Variants in SORBS2 observed in about 807,000 individuals in gnomAD.
The protein encoded by SORBS2 is sorbin and SH3 domain-containing protein 2.
SORBS2 carries 46 observed loss-of-function variants against 97.7 expected under a neutral mutation model. The observed-to-expected ratio is 0.47, with a 90% CI of 0.37 to 0.60. The LOEUF is 0.60. Ranked by LOEUF, SORBS2 falls within the 20% of genes least tolerant of loss-of-function variation. The pLI, the probability that SORBS2 is intolerant of heterozygous loss-of-function variation, is 0.00. For missense variants in SORBS2, 1,316 were observed against 1,282.3 expected (o/e 1.03, Z -0.40); for synonymous variants, 476 against 473.4 (o/e 1.01, Z -0.07).
intron 1 of SORBS2, among the ~76,000 whole-genome samples, chr4:185,949,738 G>A (rs1040859695): frequency 6.6e-6 from 1 of 152,100 alleles, no homozygotes; most frequent in Non-Finnish European, 1.5e-5. Flanking sequence ...AGATGCAGGA[G>A]TCTAAACAAA....
At position 185,797,581 on chromosome 4, in the gene SORBS2, C is replaced by T. The variant is rs181875662; in HGVS notation, c.-337-22215G>A. Among the ~76,000 whole-genome samples, 201 of 152,216 alleles carry T rather than the reference C, an allele frequency of 1.3e-3. 4 individuals carry two copies. In the South Asian group the frequency reaches 0.038, roughly 29 times the overall value. ...GCCTCTGACGTGCCAGGCGCTATGCCGGTCATTTTGCAGTAATCTCATTTA... is the reference window on the plus strand; with the variant it reads ...GCCTCTGACGTGCCAGGCGCTATGCTGGTCATTTTGCAGTAATCTCATTTA... On this transcript the variant is annotated intron_variant, in intron 1 of 20. Coordinates refer to the SORBS2 transcript ENST00000284776.
At chr4:185,612,275 C>T (rs1431075566) in intron 11 of SORBS2, among the ~76,000 whole-genome samples, 1 of 152,050 alleles carries the variant, frequency 6.6e-6, no homozygotes, top group East Asian at 1.9e-4. Context: ...AATTATTTGT[C>T]TAAGTTATTT....
At chr4:185,947,115 T>C (rs2099274905) in intron 1 of SORBS2, among the ~76,000 whole-genome samples, 1 of 152,226 alleles carries the variant, frequency 6.6e-6, no homozygotes, top group Non-Finnish European at 1.5e-5. Context: ...TTTATAGCTT[T>C]CCCCCTTTCA....
intron 1 of SORBS2, among the ~76,000 whole-genome samples, chr4:185,832,662 G>C (rs1363464000): frequency 6.6e-6 from 1 of 152,176 alleles, no homozygotes; most frequent in Non-Finnish European, 1.5e-5. Flanking sequence ...CTTAAAATTG[G>C]TCTAGGATGT....
Position 185,623,711 on chromosome 4 carries a change from C to T in SORBS2, c.1418G>A (p.Arg473Gln), listed in dbSNP as rs1436564752. The change falls in exon 7 of 15, where the codon CGA (arginine) becomes CAA (glutamine). Residue 473 changes from arginine to glutamine, a missense_variant. Physicochemically the swap from Arg to Gln is conservative, Grantham distance 43. Coordinates refer to ENST00000418609, the Ensembl canonical transcript of SORBS2. The surrounding 1 kb of genome is among the most constrained non-coding windows in gnomAD (Gnocchi z 6.4). ...CACCAGGGCGTTAGACTGGCAGCCT[C>T]GCCGGCCCCGAGCGGGGGGGCCGCT... 4 of 1,613,662 alleles carry T rather than the reference C, an allele frequency of 2.5e-6. No individual in the cohort carries two copies. Among genetic ancestry groups the T allele is most frequent in the African/African-American group, 1.3e-5 (1 of 74,890 alleles).
chr4:185,806,544 T>A (rs12643812), intron 1 of SORBS2, among the ~76,000 whole-genome samples: 25 of 139,386 alleles, frequency 1.8e-4, no homozygotes, highest in Middle Eastern at 3.5e-3. Flanking sequence ...TGCAAGCTCC[T>A]CCTCCCGGGT....
In SORBS2 at chr4:185,819,930, T is replaced by C. The variant is rs553340080; in HGVS notation, c.-337-44564A>G. On this transcript the variant is annotated intron_variant, in intron 1 of 20. Coordinates refer to the SORBS2 transcript ENST00000284776. ...TTTGTTAGCTGTGTGATATGCAAAT[T>C]GCCTAACCTCTTTGTGCTTCTGTTT... 2.0e-5 allele frequency among the ~76,000 whole-genome samples: 3 copies of C among 152,368 alleles called. No individual in the cohort carries two copies. The South Asian group carries it at 6.2e-4, about 32-fold the overall frequency.
At chr4:185,706,877 G>T (rs1174130005) in intron 2 of SORBS2, among the ~76,000 whole-genome samples, 1 of 151,844 alleles carries the variant, frequency 6.6e-6, no homozygotes, top group Non-Finnish European at 1.5e-5. Context: ...ATTTAATTTT[G>T]TCAAAATACC....
chr4:185,932,015 T>G (rs189127028), intron 1 of SORBS2, among the ~76,000 whole-genome samples: 105 of 151,260 alleles, frequency 6.9e-4, no homozygotes, highest in African/African-American at 1.3e-3. Flanking sequence ...TATATATATA[T>G]ATAGATAGAT....
At chr4:185,763,206 A>G (rs2098913678) in intron 2 of SORBS2, among the ~76,000 whole-genome samples, 1 of 152,116 alleles carries the variant, frequency 6.6e-6, no homozygotes, top group African/African-American at 2.4e-5. Flanking sequence ...AACAAAAACA[A>G]AAACAAAAAG....
chr4:185,854,718 T>C (rs2099219750), intron 1 of SORBS2, among the ~76,000 whole-genome samples: 1 of 151,960 alleles, frequency 6.6e-6, no homozygotes, highest in African/African-American at 2.4e-5. Flanking sequence ...AACTAGCAAT[T>C]CTTGTGGAGG....
intron 2 of SORBS2, chr4:185,761,680 T>A (rs2098893490): frequency 6.6e-6 from 1 of 152,246 alleles, no homozygotes; most frequent in African/African-American, 2.4e-5. Flanking sequence ...TTGTGAACAT[T>A]GTGTCCGAAA....
chr4:185,805,558 T>G (rs574447889), intron 1 of SORBS2, among the ~76,000 whole-genome samples: 8 of 152,324 alleles, frequency 5.3e-5, no homozygotes, highest in Non-Finnish European at 8.8e-5. Context: ...CTGTACCTTT[T>G]TCCATTCTCT....
At chr4:185,594,085 G>T in intron 12 of SORBS2, 150 bp from the exon 25 acceptor site, 1 of 602,098 alleles carries the variant, frequency 1.7e-6, no homozygotes, top group Non-Finnish European at 2.9e-6. Context: ...AAAGCTTTCT[G>T]CAGGATTAAT....
chr4:185,659,310 G>A (rs1405537222), upstream of SORBS2, among the ~76,000 whole-genome samples: 3 of 152,132 alleles, frequency 2.0e-5, no homozygotes, highest in African/African-American at 7.2e-5. Flanking sequence ...AGGTGTGCTG[G>A]CTGCTGTCAA....
intron 1 of SORBS2, among the ~76,000 whole-genome samples, chr4:185,798,814 T>A (rs528399364): frequency 3.2e-4 from 49 of 152,290 alleles, no homozygotes; most frequent in Non-Finnish European, 2.2e-4. Flanking sequence ...AGCAAAGATA[T>A]AAAGTTCTAC....
chr4:185,864,341 C>T (rs2099225599), intron 1 of SORBS2, among the ~76,000 whole-genome samples: 1 of 152,160 alleles, frequency 6.6e-6, no homozygotes, highest in African/African-American at 2.4e-5. Context: ...AAGAAGTGGT[C>T]TCTTAGAATT....
At chr4:185,610,646 T>G (rs1041031154) in intron 12 of SORBS2, among the ~76,000 whole-genome samples, 3 of 152,144 alleles carry the variant, frequency 2.0e-5, no homozygotes, top group Non-Finnish European at 4.4e-5. Flanking sequence ...CTCAGGCTCA[T>G]TTTCAAGAAG....
At chr4:185,753,143 T>A (rs2098811481) in intron 2 of SORBS2, among the ~76,000 whole-genome samples, 1 of 152,268 alleles carries the variant, frequency 6.6e-6, no homozygotes, top group African/African-American at 2.4e-5. Flanking sequence ...GTGCAGCTGC[T>A]GATGCATAGT....
Sources: gnomAD v4.1 joint callset for allele counts (sites outside exome capture counted in the v4.1 genomes callset) on GRCh38, gnomAD v4.1.1 for gene constraint, Gnocchi (gnomAD v3.1) non-coding constraint, MANE v1.5 for transcripts, NCBI Gene and HGNC (gene_info 2026-07-23, HGNC 2026-07-21) for gene names.